Variants in SGCD observed in about 807,000 individuals in gnomAD.
SGCD encodes the protein sarcoglycan delta, also known as delta-sarcoglycan.
A neutral mutation model predicts 36.6 loss-of-function variants in SGCD; 18 were observed. The ratio of observed to expected loss-of-function variants is 0.49; its 90% CI spans 0.34 to 0.73. The LOEUF is 0.73. Among genes scored for constraint, SGCD ranks in the 30% least tolerant of loss-of-function variants. The pLI, the probability that SGCD is intolerant of heterozygous loss-of-function variation, is 0.01. For synonymous variants in SGCD, 133 were observed against 130.6 expected (o/e 1.02, Z -0.12); for missense variants, 387 against 346.7 (o/e 1.12, Z -0.92).
At chr5:155,917,809 CT>C (rs112340696) in intron 1 of SGCD, among the ~76,000 whole-genome samples, 28 of 149,802 alleles carry the variant, frequency 1.9e-4, no homozygotes, top group Middle Eastern at 6.9e-3. Flanking sequence ...AGTTCTATTT[CT>C]TTTTTTTTTA....
intron 6 of SGCD, among the ~76,000 whole-genome samples, chr5:156,606,299 G>A (rs972391297): frequency 6.6e-6 from 1 of 152,176 alleles, no homozygotes; most frequent in African/African-American, 2.4e-5. Context: ...TTATTAAATA[G>A]GGAATCCTTT....
chr5:156,645,763 C>G (rs1763202423), intron 6 of SGCD, among the ~76,000 whole-genome samples: 1 of 152,126 alleles, frequency 6.6e-6, no homozygotes, highest in Non-Finnish European at 1.5e-5. Flanking sequence ...GTCTCCACTT[C>G]ATAGGGTTAT....
intron 1 of SGCD, among the ~76,000 whole-genome samples, chr5:156,109,724 C>T (rs1379852331): frequency 6.6e-6 from 1 of 152,168 alleles, no homozygotes; most frequent in Non-Finnish European, 1.5e-5. Flanking sequence ...ATCTCATGCC[C>T]CTCTCTCTGA....
chr5:156,307,418 A>G (rs1767246869), intron 3 of SGCD, among the ~76,000 whole-genome samples: 1 of 152,230 alleles, frequency 6.6e-6, no homozygotes. Context: ...ATAACATTAG[A>G]TCACATATTT....
chr5:155,983,563 G>A (rs1758272519), intron 1 of SGCD, among the ~76,000 whole-genome samples: 1 of 152,142 alleles, frequency 6.6e-6, no homozygotes, highest in Admixed American at 6.5e-5. Context: ...GCCTCTCAAA[G>A]TGCTGGGATT....
At chr5:155,919,504 C>T (rs779837572) in intron 1 of SGCD, among the ~76,000 whole-genome samples, 4 of 152,216 alleles carry the variant, frequency 2.6e-5, no homozygotes, top group Non-Finnish European at 4.4e-5. Flanking sequence ...TGATTCCTCT[C>T]GGGTAAACTG....
At chr5:156,239,089 T>C (rs549102605) in intron 3 of SGCD, among the ~76,000 whole-genome samples, 77 of 152,082 alleles carry the variant, frequency 5.1e-4, no homozygotes, top group African/African-American at 1.8e-3. Context: ...GGCGCATCAG[T>C]AATTTGGGAG....
At chr5:156,125,110 G>C (rs571662000) in intron 3 of SGCD, among the ~76,000 whole-genome samples, 1 of 152,266 alleles carries the variant, frequency 6.6e-6, no homozygotes, top group South Asian at 2.1e-4. Flanking sequence ...ATGTTCAAGA[G>C]AAGTTGTAGG....
intron 3 of SGCD, among the ~76,000 whole-genome samples, chr5:156,367,354 A>C: frequency 6.6e-6 from 1 of 152,024 alleles, no homozygotes; most frequent in East Asian, 1.9e-4. Context: ...GATAGTAAGT[A>C]AAATGTGGAT....
At chr5:156,352,077 G>A (rs529036454) in intron 3 of SGCD, among the ~76,000 whole-genome samples, 1 of 152,172 alleles carries the variant, frequency 6.6e-6, no homozygotes, top group South Asian at 2.1e-4. Flanking sequence ...CTAATAGAGA[G>A]CTGTTACTTT....
intron 1 of SGCD, among the ~76,000 whole-genome samples, chr5:155,891,591 G>T (rs1347456374): frequency 1.2e-4 from 5 of 40,052 alleles, no homozygotes; most frequent in Non-Finnish European, 1.6e-4. Context: ...GACATTACTT[G>T]GTCAAACTCT....
intron 3 of SGCD, among the ~76,000 whole-genome samples, chr5:156,452,710 G>C (rs182432868): frequency 6.6e-6 from 1 of 152,180 alleles, no homozygotes; most frequent in African/African-American, 2.4e-5. Flanking sequence ...ATAAATTTCT[G>C]AATGCCATAA....
chr5:156,251,730 G>T (rs1357440064), intron 3 of SGCD, among the ~76,000 whole-genome samples: 3 of 151,908 alleles, frequency 2.0e-5, no homozygotes, highest in Non-Finnish European at 4.4e-5. Context: ...TGGCCAGGAT[G>T]GTCTCGATTT....
In SGCD at chr5:155,987,872, A is replaced by G. The variant is rs144105607; in HGVS notation, c.-282+117448A>G. 3.9e-5 allele frequency among the ~76,000 whole-genome samples: 6 copies of G among 152,256 alleles called. No homozygotes were observed. In the East Asian group the frequency reaches 9.7e-4, roughly 24 times the overall value. On this transcript the variant is annotated intron_variant, in intron 1 of 9. Coordinates refer to the SGCD transcript ENST00000517913. The stretch of plus-strand genomic sequence containing the variant: ...ACACCCTTCCCTCATTGACATTTAA[A>G]TATGTATTATTCATATCCCAGTATG...
intron 3 of SGCD, among the ~76,000 whole-genome samples, chr5:156,396,315 G>A (rs1263997643): frequency 1.3e-5 from 2 of 152,230 alleles, no homozygotes; most frequent in Admixed American, 6.5e-5. Context: ...CATGAAAATA[G>A]CAAAAATATT....
chr5:155,936,026 C>T (rs35244942), intron 1 of SGCD, among the ~76,000 whole-genome samples: 10,348 of 152,200 alleles, frequency 0.068, 419 homozygotes, highest in South Asian at 0.16. Context: ...CCATGGCTGA[C>T]ACCAGGGAAT....
intron 3 of SGCD, among the ~76,000 whole-genome samples, chr5:156,246,845 C>A (rs1338747799): frequency 6.6e-6 from 1 of 152,134 alleles, no homozygotes; most frequent in Non-Finnish European, 1.5e-5. Flanking sequence ...AACATACAAT[C>A]CACAGATATC....
chr5:156,561,962 C>A (rs1458735116), intron 4 of SGCD, among the ~76,000 whole-genome samples: 1 of 152,114 alleles, frequency 6.6e-6, no homozygotes, highest in Non-Finnish European at 1.5e-5. Context: ...AGAACTCATG[C>A]AGAGCCCTCA....
At chr5:155,987,400 T>C (rs1758352441) in intron 1 of SGCD, among the ~76,000 whole-genome samples, 2 of 152,164 alleles carry the variant, frequency 1.3e-5, no homozygotes, top group South Asian at 4.1e-4. Flanking sequence ...CTGTCCTCGT[T>C]TGGTTTCTCA....
Sources: allele counts gnomAD v4.1 joint callset (sites outside exome capture counted in the v4.1 genomes callset), GRCh38; gene constraint gnomAD v4.1.1; transcripts MANE v1.5; gene names NCBI Gene and HGNC (gene_info 2026-07-23, HGNC 2026-07-21).